Variants in SH3PXD2A observed in about 807,000 individuals in gnomAD.
SH3PXD2A encodes SH3 and PX domain-containing protein 2A.
SH3PXD2A carries 32 observed loss-of-function variants against 115.2 expected under a neutral mutation model. That is an observed-to-expected ratio of 0.28 (90% CI 0.21 to 0.37). The LOEUF (loss-of-function observed/expected upper bound fraction) is 0.37, where lower values mean the gene tolerates loss of function less well. Among genes scored for constraint, SH3PXD2A ranks in the 10% least tolerant of loss-of-function variants. The pLI, the probability that SH3PXD2A is intolerant of heterozygous loss-of-function variation, is 1.00. For synonymous variants in SH3PXD2A, 610 were observed against 629.1 expected, an observed-to-expected ratio of 0.97 and a Z score of 0.45; for missense variants, 1,328 against 1,498.7, an observed-to-expected ratio of 0.89 and a Z score of 1.88.
intron 13 of SH3PXD2A, among the ~76,000 whole-genome samples, chr10:103,608,159 A>AAAAAAAAAAGTTTAC (rs2036359622): frequency 1.4e-5 from 2 of 145,148 alleles, no homozygotes; most frequent in Admixed American, 6.8e-5. Context: ...TTAAAAAAAA[A>AAAAAAAAAAGTTTAC]AAAAAAAAAA....
chr10:103,841,851 G>A (rs1034562145), intron 1 of SH3PXD2A, among the ~76,000 whole-genome samples: 1 of 152,160 alleles, frequency 6.6e-6, no homozygotes, highest in African/African-American at 2.4e-5. Flanking sequence ...AAGGCCGGGT[G>A]CAGTGGCTCA....
At chr10:103,692,928 C>T (rs1476736050) in intron 6 of SH3PXD2A, 100 bp downstream of exon 6, 2 of 957,102 alleles carry the variant, frequency 2.1e-6, no homozygotes, top group Admixed American at 3.8e-5. Context: ...AAGGACAACC[C>T]CCCCCTCCCC....
intron 3 of SH3PXD2A, chr10:103,754,559 A>G (rs1396104857): frequency 6.6e-6 from 1 of 152,022 alleles, no homozygotes; most frequent in Non-Finnish European, 1.5e-5. Flanking sequence ...TAAAAATCTT[A>G]GCAATCTCCT....
At chr10:103,718,206 G>A (rs1456251017) in intron 5 of SH3PXD2A, among the ~76,000 whole-genome samples, 1 of 151,766 alleles carries the variant, frequency 6.6e-6, no homozygotes, top group Non-Finnish European at 1.5e-5. Flanking sequence ...TGTAGAGATG[G>A]GGGTCTCACT....
chr10:103,711,057 G>A (rs1471787825), intron 5 of SH3PXD2A, among the ~76,000 whole-genome samples: 1 of 152,040 alleles, frequency 6.6e-6, no homozygotes, highest in Non-Finnish European at 1.5e-5. Flanking sequence ...AATAAAAAAC[G>A]GTTGCCCCAC....
intron 1 of SH3PXD2A, among the ~76,000 whole-genome samples, chr10:103,814,875 G>A (rs2039308460): frequency 6.6e-6 from 1 of 152,174 alleles, no homozygotes; most frequent in African/African-American, 2.4e-5. Context: ...ATGGGGTGGT[G>A]ACTGAAACTG....
intron 8 of SH3PXD2A, among the ~76,000 whole-genome samples, chr10:103,636,727 A>G (rs4917398): frequency 0.9 from 137,583 of 152,142 alleles, 62,461 homozygotes; most frequent in East Asian, 1. Context: ...GTCACAGCTC[A>G]GCCTAGGACA....
intron 8 of SH3PXD2A, among the ~76,000 whole-genome samples, chr10:103,657,171 T>A (rs1471644788): frequency 6.6e-6 from 1 of 152,026 alleles, no homozygotes; most frequent in Non-Finnish European, 1.5e-5. Flanking sequence ...TCCCAATGTA[T>A]CATGCCCGGT....
chr10:103,713,454 C>T (rs2134159468), intron 5 of SH3PXD2A, among the ~76,000 whole-genome samples: 1 of 152,342 alleles, frequency 6.6e-6, no homozygotes, highest in South Asian at 2.1e-4. Flanking sequence ...TGCCTCAGGC[C>T]TATCTCTTCT....
rs185481035 is a variant in SH3PXD2A, at chr10:103,771,822, G to C, written c.154-4653C>G. The stretch of plus-strand genomic sequence containing the variant: ...TGCAGCCTTCACATCAAGGAGCCAG[G>C]CTTCACAACCTTCAACATGCATCTG... On this transcript the variant is annotated intron_variant, in intron 2 of 14. Transcript: ENST00000369774. 9.8e-4 allele frequency among the ~76,000 whole-genome samples: 148 copies of C among 151,332 alleles called. 1 individual carries two copies. The highest frequency in any genetic ancestry group is 6.0e-3 in the Admixed American group (91 of 15,172).
At chr10:103,616,562 G>A (rs2036521502) in intron 11 of SH3PXD2A, among the ~76,000 whole-genome samples, 1 of 152,238 alleles carries the variant, frequency 6.6e-6, no homozygotes, top group South Asian at 2.1e-4. Flanking sequence ...AGGATTCTAC[G>A]CTGGGAACTG....
chr10:103,597,975 T>TA lies in SH3PXD2A; in HGVS notation c.*3840dup, dbSNP rs1399466795. 2 of 152,460 alleles carry TA rather than the reference T, an allele frequency of 1.3e-5. No homozygotes were observed. Among genetic ancestry groups the TA allele is most frequent in the Non-Finnish European group, 2.9e-5 (2 of 68,036 alleles). 9.4% of individuals were successfully genotyped at this position (152,460 alleles called of 1,614,324 possible). On this transcript the variant is annotated 3_prime_UTR_variant, in exon 15 of 15. Coordinates refer to ENST00000369774, the MANE Select transcript of SH3PXD2A (RefSeq NM_001394015.1). ...ACACCTATTCTGCAAACACTAGTAA[T>TA]AGGAAAATAATGCCTGACTGGAATT...
chr10:103,614,377 G>C (rs2036476548), intron 11 of SH3PXD2A, among the ~76,000 whole-genome samples: 1 of 152,130 alleles, frequency 6.6e-6, no homozygotes. Context: ...AATGTTGGGG[G>C]TTGAGAAAAT....
At chr10:103,810,952 G>GCGCACACACA (rs549107444) in intron 1 of SH3PXD2A, among the ~76,000 whole-genome samples, 1 of 19,872 alleles carries the variant, frequency 5.0e-5, no homozygotes, top group African/African-American at 1.0e-4. Flanking sequence ...GCGCGCGCGC[G>GCGCACACACA]CACACACACA....
chr10:103,771,752 C>T (rs1041857852), intron 2 of SH3PXD2A, among the ~76,000 whole-genome samples: 1 of 151,020 alleles, frequency 6.6e-6, no homozygotes, highest in Non-Finnish European at 1.5e-5. Context: ...CACACACACA[C>T]ACACACACAC....
chr10:103,702,596 C>CGTGCGTGTGTGTGTGTGTGTGTGT (rs1554913268), intron 5 of SH3PXD2A, among the ~76,000 whole-genome samples: 8 of 147,448 alleles, frequency 5.4e-5, no homozygotes, highest in African/African-American at 2.0e-4. Context: ...TGTGTGTGTG[C>CGTGCGTGTGTGTGTGTGTGTGTGT]GTGTGTGTGT....
chr10:103,731,893 C>T (rs2134181448), intron 4 of SH3PXD2A, among the ~76,000 whole-genome samples: 1 of 152,316 alleles, frequency 6.6e-6, no homozygotes, highest in Middle Eastern at 3.4e-3. Flanking sequence ...CCTTACCCTT[C>T]AGTGCTGACC....
intron 4 of SH3PXD2A, among the ~76,000 whole-genome samples, chr10:103,728,876 G>GC (rs2038276001): frequency 7.0e-6 from 1 of 142,664 alleles, no homozygotes; most frequent in Non-Finnish European, 1.5e-5. Flanking sequence ...GCAAAGAGTT[G>GC]TTTTTTTTGT....
chr10:103,739,002 A>G (rs1422309445), intron 3 of SH3PXD2A, among the ~76,000 whole-genome samples: 32 of 152,200 alleles, frequency 2.1e-4, no homozygotes, highest in Non-Finnish European at 4.4e-5. Context: ...CATGTTGGTC[A>G]GGCTGGTCAC....
Sources: gnomAD v4.1 joint callset for allele counts (sites outside exome capture counted in the v4.1 genomes callset) on GRCh38, gnomAD v4.1.1 for gene constraint, MANE v1.5 for transcripts, NCBI Gene and HGNC (gene_info 2026-07-23, HGNC 2026-07-21) for gene names.